The following KCTD18 variants were observed in gnomAD, a reference collection of about 807,000 sequenced individuals.
The protein encoded by KCTD18 is potassium channel tetramerization domain containing 18, also known as BTB/POZ domain-containing protein KCTD18.
A neutral mutation model predicts 30.4 loss-of-function variants in KCTD18; 22 were observed. The ratio of observed to expected loss-of-function variants is 0.72; its 90% CI spans 0.52 to 1.03. The LOEUF (loss-of-function observed/expected upper bound fraction) is 1.03. Among genes scored for constraint, KCTD18 ranks in the 50% least tolerant of loss-of-function variants. The probability of loss-of-function intolerance (pLI) is 0.00; values close to 1 mark genes in which losing one functional copy is unlikely to be tolerated. For synonymous variants in KCTD18, 186 were observed against 209.0 expected (o/e 0.89, Z 0.95); for missense variants, 529 against 547.6 (o/e 0.97, Z 0.34).
intron 3 of KCTD18, among the ~76,000 whole-genome samples, chr2:200,500,676 G>A (rs2088070501): frequency 6.6e-6 from 1 of 151,536 alleles, no homozygotes; most frequent in Admixed American, 6.6e-5. Context: ...TGGGTAGGAA[G>A]AATCAATATT....
At chr2:200,500,330 G>A (rs1437735034) in intron 3 of KCTD18, among the ~76,000 whole-genome samples, 1 of 150,848 alleles carries the variant, frequency 6.6e-6, no homozygotes, top group South Asian at 2.1e-4. Context: ...ACAAAAAGAG[G>A]AAGTCAAATT....
At position 200,504,919 on chromosome 2, in the gene KCTD18, G is replaced by C; in HGVS notation, c.201C>G (p.Tyr67Ter). ...VIDRDGRLFK[Y>*]LLDYLHGEVQ... Reference sequence around the variant, plus strand: ...CTTCTCCATGAAGGTAATCCAAAAGGTATTTAAATAGACGTCCATCACGGT... The same window carrying C: ...CTTCTCCATGAAGGTAATCCAAAAGCTATTTAAATAGACGTCCATCACGGT... The change falls in exon 3 of 7, where the codon TAC (tyrosine) becomes TAG (stop). Residue 67 changes from tyrosine to a stop codon, truncating the protein, a stop_gained. Coordinates refer to ENST00000359878, the MANE Select transcript of KCTD18 (RefSeq NM_152387.4). LOFTEE classifies it high-confidence loss of function. 6.2e-7 allele frequency: 1 copy of C among 1,614,080 alleles called. No individual in the cohort carries two copies. Among genetic ancestry groups the C allele is most frequent in the Non-Finnish European group, 8.5e-7 (1 of 1,180,006 alleles).
chr2:200,489,453 C>A lies in KCTD18; in HGVS notation c.*647G>T, dbSNP rs1300310369. 1 of 152,146 alleles carries A rather than the reference C, an allele frequency of 6.6e-6. No homozygotes were observed. 9.4% of individuals were successfully genotyped at this position (152,146 alleles called of 1,614,324 possible). On this transcript the variant is annotated 3_prime_UTR_variant, in exon 7 of 7. Coordinates refer to ENST00000359878, the MANE Select transcript of KCTD18 (RefSeq NM_152387.4). Reference sequence around the variant, plus strand: ...TATAATTCTGATCCCAAGAGATCTTCTTGTGGTGTTTATAAATAAATCTAC... The same window carrying A: ...TATAATTCTGATCCCAAGAGATCTTATTGTGGTGTTTATAAATAAATCTAC...
chr2:200,494,522 G>A (rs2087968941), intron 5 of KCTD18, among the ~76,000 whole-genome samples: 1 of 152,054 alleles, frequency 6.6e-6, no homozygotes, highest in Admixed American at 6.6e-5. Context: ...AGCAAGCTGG[G>A]CATATAAATC....
rs533140987 is a variant in KCTD18 at position 200,489,433 on chromosome 2, T to A, written c.*667A>T. On this transcript the variant is annotated 3_prime_UTR_variant, in exon 7 of 7. Coordinates refer to ENST00000359878, the MANE Select transcript of KCTD18 (RefSeq NM_152387.4). ...AATTTACTTCAAAGATATTATATAA[T>A]TCTGATCCCAAGAGATCTTCTTGTG... 1.3e-5 allele frequency: 2 copies of A among 152,310 alleles called. No individual in the cohort carries two copies. The highest frequency in any genetic ancestry group is 4.8e-5 in the African/African-American group (2 of 41,468). 9.4% of individuals were successfully genotyped at this position (152,310 alleles called of 1,614,324 possible). A position where few individuals can be genotyped will look rare whatever the true frequency, so the allele number is the denominator to read the frequency against.
chr2:200,507,756 A>T (rs138167445), intron 1 of KCTD18, among the ~76,000 whole-genome samples: 819 of 152,354 alleles, frequency 5.4e-3, no homozygotes, highest in Middle Eastern at 0.014. Flanking sequence ...AGGAATTATT[A>T]ACAATGATAA....
intron 1 of KCTD18, among the ~76,000 whole-genome samples, chr2:200,509,293 C>T (rs974136240): frequency 6.6e-6 from 1 of 152,058 alleles, no homozygotes; most frequent in African/African-American, 2.4e-5. Context: ...AGGACGAACC[C>T]CAAGTTCTTC....
intron 1 of KCTD18, among the ~76,000 whole-genome samples, chr2:200,507,816 G>A (rs990052922): frequency 1.3e-5 from 2 of 152,164 alleles, no homozygotes; most frequent in African/African-American, 2.4e-5. Flanking sequence ...TATCAACTGA[G>A]ATTATAATTC....
chr2:200,500,544 G>A (rs1574804171), intron 3 of KCTD18, among the ~76,000 whole-genome samples: 1 of 150,274 alleles, frequency 6.7e-6, no homozygotes, highest in African/African-American at 2.4e-5. Flanking sequence ...GCTTCAAAGA[G>A]AATAAAATAC....
chr2:200,498,673 T>A (rs2088035084), intron 4 of KCTD18, among the ~76,000 whole-genome samples: 1 of 152,208 alleles, frequency 6.6e-6, no homozygotes, highest in South Asian at 2.1e-4. Context: ...CTGCACTAGA[T>A]CATGCAGATG....
chr2:200,493,166 GA>G lies in KCTD18; in HGVS notation c.764+5del. ...CAAAACAAATAAACAACACAGCATA[GA>G]TAACCTCTTTCGAATTGGAGCCATG... On this transcript the variant is annotated splice_donor_5th_base_variant and intron_variant, in intron 6 of 6. Coordinates refer to ENST00000359878, the MANE Select transcript of KCTD18 (RefSeq NM_152387.4). 1 of 1,562,636 alleles carries G rather than the reference GA, an allele frequency of 6.4e-7. No individual in the cohort carries two copies. Among genetic ancestry groups the G allele is most frequent in the Non-Finnish European group, 8.8e-7 (1 of 1,133,140 alleles).
chr2:200,508,075 T>C (rs1264237375), intron 1 of KCTD18, among the ~76,000 whole-genome samples: 1 of 152,164 alleles, frequency 6.6e-6, no homozygotes, highest in East Asian at 1.9e-4. Flanking sequence ...GATGAAGCTT[T>C]AGGGAAGTTT....
chr2:200,490,045 G>T lies in KCTD18; in HGVS notation c.*55C>A. 1 of 1,499,822 alleles carries T rather than the reference G, an allele frequency of 6.7e-7. No individual in the cohort carries two copies. Among genetic ancestry groups the T allele is most frequent in the Non-Finnish European group, 8.9e-7 (1 of 1,122,438 alleles). The allele number at this position is 1,499,822 out of a possible 1,614,324, so 92.9% of individuals were successfully genotyped here. A position where few individuals can be genotyped will look rare whatever the true frequency, so the allele number is the denominator to read the frequency against. On this transcript the variant is annotated 3_prime_UTR_variant, in exon 7 of 7. Coordinates refer to ENST00000359878, the MANE Select transcript of KCTD18 (RefSeq NM_152387.4). ...TAAGAAAGTGTCACTTCTTTGCGTC[G>T]AATGGGTTGAAAGCTTTGGGAGATG...
At chr2:200,499,125 G>A (rs1246003993) in intron 3 of KCTD18, 41 bp from the exon 4 acceptor site, 4 of 1,427,652 alleles carry the variant, frequency 2.8e-6, no homozygotes, top group Admixed American at 2.2e-5. Flanking sequence ...TTTAATTCTA[G>A]AGTAAAATAA....
intron 3 of KCTD18, 107 bp from the exon 4 acceptor site, chr2:200,499,191 G>A: frequency 1.3e-6 from 1 of 745,298 alleles, no homozygotes; most frequent in East Asian, 2.8e-5. Flanking sequence ...TTGATCATAA[G>A]GGAAATAAAA....
chr2:200,495,687 G>A (rs1325208684), intron 5 of KCTD18, among the ~76,000 whole-genome samples: 1 of 151,852 alleles, frequency 6.6e-6, no homozygotes, highest in Non-Finnish European at 1.5e-5. Flanking sequence ...CTTTTTCTGG[G>A]AATTTTATGG....
chr2:200,502,379 C>G (rs2029903160), intron 3 of KCTD18, among the ~76,000 whole-genome samples: 1 of 152,016 alleles, frequency 6.6e-6, no homozygotes, highest in South Asian at 2.1e-4. Context: ...AGTAATTTCC[C>G]CAAAATTTCC....
intron 6 of KCTD18, 31 bp downstream of exon 6, chr2:200,493,140 AC>A (rs1380847510): frequency 2.2e-6 from 3 of 1,348,138 alleles, no homozygotes; most frequent in Non-Finnish European, 3.2e-6. Flanking sequence ...GATTAAAAAA[AC>A]AAAACAAATA....
chr2:200,501,494 C>T (rs1222797725), intron 3 of KCTD18, among the ~76,000 whole-genome samples: 3 of 141,748 alleles, frequency 2.1e-5, no homozygotes, highest in Admixed American at 7.4e-5. Context: ...ACAGACACTT[C>T]TCAAAAGAAG....
Sources: allele counts gnomAD v4.1 joint callset (sites outside exome capture counted in the v4.1 genomes callset), GRCh38; gene constraint gnomAD v4.1.1; transcripts MANE v1.5; gene names NCBI Gene and HGNC (gene_info 2026-07-23, HGNC 2026-07-21).